TRPC1: variants seen among roughly 807,000 people sequenced by gnomAD.
TRPC1 encodes transient receptor potential cation channel subfamily C member 1, also known as short transient receptor potential channel 1.
TRPC1 carries 42 observed loss-of-function variants against 88.2 expected under a neutral mutation model. The observed-to-expected ratio is 0.48, with a 90% CI of 0.37 to 0.62. The LOEUF (loss-of-function observed/expected upper bound fraction) is 0.62. TRPC1 is among the 20% of genes least tolerant of loss of function. TRPC1 has a pLI of 0.00. For missense variants in TRPC1, 699 were observed against 957.3 expected (o/e 0.73, Z 3.56); for synonymous variants, 288 against 331.8 (o/e 0.87, Z 1.43).
rs1159520441 is a variant in TRPC1, at chr3:142,763,959, A to AATAT, written c.633-13651_633-13648dup. Among the ~76,000 whole-genome samples, 353 of 76,306 alleles carry AATAT rather than the reference A, an allele frequency of 4.6e-3. 15 individuals carry two copies. Among genetic ancestry groups the AATAT allele is most frequent in the Middle Eastern group, 0.029 (4 of 138 alleles). 50.1% of individuals were successfully genotyped at this position (76,306 alleles called of 152,430 possible). On this transcript the variant is annotated intron_variant, in intron 4 of 12. Transcript: ENST00000476941. ...GCGAGACTCCGTCTCAAAAAAAAGA[A>AATAT]ATATATATATATATATATATATATA...
At position 142,724,829 on chromosome 3, in the gene TRPC1, C is replaced by T. The variant is rs747219695; in HGVS notation, c.172+98C>T. 6 of 1,362,730 alleles carry T rather than the reference C, an allele frequency of 4.4e-6. No homozygotes were observed. Among genetic ancestry groups the T allele is most frequent in the Non-Finnish European group, 4.8e-6 (5 of 1,039,312 alleles). The allele number at this position is 1,362,730 out of a possible 1,614,324, so 84.4% of individuals were successfully genotyped here. On this transcript the variant is annotated intron_variant, in intron 1 of 12. Transcript: ENST00000476941. This position sits in a 1 kb window ranked among gnomAD's most constrained non-coding sequence, Gnocchi z 5.6. ...TTATATCGGGGCATTCCCTCTGTCT[C>T]AGGCGCCGAGTGTCTTCCCGCCTCG...
chr3:142,769,254 T>C (rs891008987), intron 4 of TRPC1, among the ~76,000 whole-genome samples: 1 of 152,214 alleles, frequency 6.6e-6, no homozygotes, highest in African/African-American at 2.4e-5. Flanking sequence ...TTTTAAAACA[T>C]TTTTATCACC....
rs745766928 is a variant in TRPC1 at position 142,724,551 on chromosome 3, T to G, written c.-9T>G. On this transcript the variant is annotated 5_prime_UTR_variant, in exon 1 of 13. It removes an upstream start codon present in the reference 5' UTR. Coordinates refer to ENST00000476941, the MANE Select transcript of TRPC1 (RefSeq NM_001251845.2). This position sits in a 1 kb window ranked among gnomAD's most constrained non-coding sequence, Gnocchi z 5.6. Reference sequence around the variant, plus strand: ...CCCGTCTCCTGGCCTGCCCCCTTCATGGGCCGCGATGATGGCGGCCCTGTA... The same window carrying G: ...CCCGTCTCCTGGCCTGCCCCCTTCAGGGGCCGCGATGATGGCGGCCCTGTA... The G allele has an allele frequency of 1.4e-5, 21 of 1,549,272 alleles. No homozygotes were observed. The highest frequency in any genetic ancestry group is 5.8e-5 in the Admixed American group (3 of 51,932).
intron 3 of TRPC1, among the ~76,000 whole-genome samples, chr3:142,744,478 C>T (rs1018687681): frequency 1.3e-5 from 2 of 152,000 alleles, no homozygotes; most frequent in African/African-American, 4.8e-5. Context: ...GCCCATGTGA[C>T]ATAATCTAAA....
chr3:142,762,428 A>ATTTTTTTTTTTTT (rs755194552), intron 4 of TRPC1, among the ~76,000 whole-genome samples: 1 of 103,660 alleles, frequency 9.6e-6, no homozygotes, highest in Non-Finnish European at 1.9e-5. Flanking sequence ...TTTATTCTTG[A>ATTTTTTTTTTTTT]TTTTTTTTTT....
chr3:142,802,190 C>A lies in TRPC1; in HGVS notation c.1603C>A (p.Gln535Lys). The change falls in exon 10 of 13, where the codon CAA (glutamine) becomes AAA (lysine). Residue 535 changes from glutamine (Q) to lysine (K), a missense_variant. Gln to Lys is a moderately conservative substitution (Grantham distance 53). Transcript: ENST00000476941. Reference sequence around the variant, plus strand: ...ACAGATTTCAATGGGACAGATGTTACAAGATTTTGGAAAATTTCTTGGGAT... The same window carrying A: ...ACAGATTTCAATGGGACAGATGTTAAAAGATTTTGGAAAATTTCTTGGGAT... ...PLQISMGQML[Q>K]DFGKFLGMFL... 1.3e-6 allele frequency: 2 copies of A among 1,584,212 alleles called. No homozygotes were observed. The highest frequency in any genetic ancestry group is 1.7e-6 in the Non-Finnish European group (2 of 1,168,496).
chr3:142,737,354 G>GTATC (rs541347340), intron 2 of TRPC1, among the ~76,000 whole-genome samples: 3,932 of 150,320 alleles, frequency 0.026, 76 homozygotes, highest in East Asian at 0.063. Flanking sequence ...ATGTATGTAT[G>GTATC]TATGTATAAA....
chr3:142,774,605 A>G (rs1935692472), intron 4 of TRPC1, among the ~76,000 whole-genome samples: 1 of 152,202 alleles, frequency 6.6e-6, no homozygotes, highest in Admixed American at 6.5e-5. Flanking sequence ...AGGCAAGGCT[A>G]TTCCTGCCTG....
chr3:142,756,420 C>A (rs866347539), intron 4 of TRPC1, among the ~76,000 whole-genome samples: 1 of 147,958 alleles, frequency 6.8e-6, no homozygotes, highest in African/African-American at 2.5e-5. Context: ...AGTGCAGTGG[C>A]GCGATTTCAG....
intron 2 of TRPC1, among the ~76,000 whole-genome samples, chr3:142,736,759 A>G (rs1934154106): frequency 6.6e-6 from 1 of 152,062 alleles, no homozygotes; most frequent in African/African-American, 2.4e-5. Flanking sequence ...TAATATTTTG[A>G]ATTGATTTAT....
At chr3:142,781,563 A>G (rs1295581620) in intron 6 of TRPC1, among the ~76,000 whole-genome samples, 3 of 152,168 alleles carry the variant, frequency 2.0e-5, no homozygotes, top group Non-Finnish European at 4.4e-5. Context: ...GGTACATGAT[A>G]TGATAACTAA....
In TRPC1 at chr3:142,780,918, A is replaced by C; in HGVS notation, c.849A>C (p.Glu283Asp). Reference protein sequence around the residue: ...LAQARNSRELEVILNHTSSDE... With the variant: ...LAQARNSRELDVILNHTSSDE... ...AAGCCCGGAATTCTCGTGAATTGGA[A>C]GTTATTCTAAACCATACGTCTAGTG... Residue 283 changes from glutamate (E) to aspartate (D), a missense_variant, in exon 6 of 13, where the codon GAA becomes GAC. Around this residue, in one of 4 missense-constraint regions of TRPC1, gnomAD observed 426 missense variants for 641.3 expected, o/e 0.66. Coordinates refer to ENST00000476941, the MANE Select transcript of TRPC1 (RefSeq NM_001251845.2). 1 of 1,613,946 alleles carries C rather than the reference A, an allele frequency of 6.2e-7. No homozygotes were observed.
At chr3:142,795,899 G>A (rs1044687707) in intron 9 of TRPC1, among the ~76,000 whole-genome samples, 2 of 151,888 alleles carry the variant, frequency 1.3e-5, no homozygotes, top group Admixed American at 6.6e-5. Flanking sequence ...GCAGATACAA[G>A]AAACATGATT....
chr3:142,745,889 C>G (rs1025786051), intron 3 of TRPC1, among the ~76,000 whole-genome samples: 3 of 151,962 alleles, frequency 2.0e-5, no homozygotes, highest in African/African-American at 7.2e-5. Flanking sequence ...TCCGGAGTAA[C>G]TGGGATTACA....
chr3:142,742,208 A>G (rs1223431445), intron 2 of TRPC1, among the ~76,000 whole-genome samples: 1 of 152,134 alleles, frequency 6.6e-6, no homozygotes, highest in Non-Finnish European at 1.5e-5. Context: ...TTTAATAGTA[A>G]TGGATATAGC....
intron 12 of TRPC1, among the ~76,000 whole-genome samples, chr3:142,805,468 A>T (rs1465518783): frequency 6.7e-6 from 1 of 149,664 alleles, no homozygotes; most frequent in African/African-American, 2.6e-5. Flanking sequence ...AGACAAAATC[A>T]GAGATATTGT....
At chr3:142,781,360 C>A (rs1415884168) in intron 6 of TRPC1, among the ~76,000 whole-genome samples, 1 of 152,004 alleles carries the variant, frequency 6.6e-6, no homozygotes, top group Non-Finnish European at 1.5e-5. Context: ...AGGTAAGATC[C>A]TTTGTAGTAG....
rs1350705469 is a variant in TRPC1, at chr3:142,776,795, T to C, written c.633-837T>C. 6.6e-6 allele frequency among the ~76,000 whole-genome samples: 1 copy of C among 151,242 alleles called. No homozygotes were observed. The highest frequency in any genetic ancestry group is 6.6e-5 in the Admixed American group (1 of 15,168). On this transcript the variant is annotated intron_variant, in intron 4 of 12. Transcript: ENST00000476941. This position sits in a 1 kb window ranked among gnomAD's most constrained non-coding sequence, Gnocchi z 4.1. Reference sequence around the variant, plus strand: ...GCACATGCCTGTAATCCCAGCTACTTGGGAGGCTGAGGCAGGAGAATCACT... The same window carrying C: ...GCACATGCCTGTAATCCCAGCTACTCGGGAGGCTGAGGCAGGAGAATCACT...
chr3:142,728,221 G>C (rs1458485953), intron 1 of TRPC1, among the ~76,000 whole-genome samples: 1 of 152,116 alleles, frequency 6.6e-6, no homozygotes. Context: ...GGGAGGGATG[G>C]AGAGAGCAGG....
Sources: gnomAD v4.1 joint callset for allele counts (sites outside exome capture counted in the v4.1 genomes callset) on GRCh38, gnomAD v4.1.1 for gene constraint, gnomAD v4.1.1 regional missense constraint, Gnocchi (gnomAD v3.1) non-coding constraint, MANE v1.5 for transcripts, NCBI Gene and HGNC (gene_info 2026-07-23, HGNC 2026-07-21) for gene names.